Variants in DENND2B observed in about 807,000 individuals in gnomAD.
DENND2B encodes DENN domain-containing protein 2B.
In DENND2B, 32 loss-of-function variants were observed where a neutral mutation model predicts 116.0. The observed-to-expected ratio is 0.28, with a 90% CI of 0.21 to 0.37. DENND2B has a LOEUF of 0.37. Ranked by LOEUF, DENND2B falls within the 10% of genes least tolerant of loss-of-function variation. The pLI is 1.00. For synonymous variants in DENND2B, 588 were observed against 583.9 expected, an observed-to-expected ratio of 1.01 and a Z score of -0.10; for missense variants, 1,276 against 1,477.7, an observed-to-expected ratio of 0.86 and a Z score of 2.24.
At chr11:8,775,178 G>GC (rs1736264999) in intron 1 of DENND2B, among the ~76,000 whole-genome samples, 1 of 152,082 alleles carries the variant, frequency 6.6e-6, no homozygotes, top group African/African-American at 2.4e-5. Context: ...ACTGTGCCTG[G>GC]CCCCCATCTG....
chr11:8,722,839 C>T, intron 4 of DENND2B, among the ~76,000 whole-genome samples: 1 of 152,244 alleles, frequency 6.6e-6, no homozygotes, highest in East Asian at 1.9e-4. Context: ...GCCTGGGTCG[C>T]TCCCCTCCCT....
At chr11:8,910,790 A>G (rs1375651723) in intron 1 of DENND2B, 1 of 153,022 alleles carries the variant, frequency 6.5e-6, no homozygotes, top group Non-Finnish European at 1.4e-5. Context: ...ATAATTTTTT[A>G]GCTCAACAGG....
chr11:8,783,259 GCCCAGGC>G (rs1340583844), intron 1 of DENND2B, among the ~76,000 whole-genome samples: 1 of 152,004 alleles, frequency 6.6e-6, no homozygotes, highest in African/African-American at 2.4e-5. Flanking sequence ...TCACTACGTT[GCCCAGGC>G]TGGTCTCAAA....
chr11:8,884,335 T>A (rs890274499), intron 1 of DENND2B, among the ~76,000 whole-genome samples: 19 of 151,924 alleles, frequency 1.3e-4, no homozygotes, highest in African/African-American at 4.4e-4. Flanking sequence ...TTGTTGTTGT[T>A]GTTTTTTGTT....
At chr11:8,801,795 G>A (rs2060358920) in intron 1 of DENND2B, among the ~76,000 whole-genome samples, 2 of 151,700 alleles carry the variant, frequency 1.3e-5, no homozygotes, top group South Asian at 4.2e-4. Context: ...CTTGAGCTCA[G>A]TTCGAGACCA....
intron 14 of DENND2B, among the ~76,000 whole-genome samples, chr11:8,700,949 G>C (rs2041477097): frequency 6.6e-6 from 1 of 152,130 alleles, no homozygotes; most frequent in Admixed American, 6.5e-5. Context: ...AGCCTCCTGA[G>C]TAGCTGGGAC....
chr11:8,854,351 A>G (rs2063122286), intron 3 of DENND2B, among the ~76,000 whole-genome samples: 2 of 151,830 alleles, frequency 1.3e-5, no homozygotes, highest in East Asian at 1.9e-4. Flanking sequence ...ACAGGCGTGC[A>G]CCACCACGAC....
intron 14 of DENND2B, among the ~76,000 whole-genome samples, chr11:8,700,579 T>C (rs1228864104): frequency 2.6e-5 from 4 of 152,156 alleles, no homozygotes; most frequent in Non-Finnish European, 4.4e-5. Context: ...TCAGGACTTA[T>C]TGGAGGACAA....
chr11:8,696,354 A>G, intron 18 of DENND2B, 73 bp downstream of exon 18: 1 of 1,579,322 alleles, frequency 6.3e-7, no homozygotes. Flanking sequence ...AAGAGCTTCC[A>G]TCATAGTGCC....
intron 1 of DENND2B, among the ~76,000 whole-genome samples, chr11:8,778,855 T>C (rs74899437): frequency 2.5e-4 from 38 of 152,330 alleles, no homozygotes; most frequent in Non-Finnish European, 5.3e-4. Context: ...ATGGTAAAGA[T>C]GAAAGGGCAG....
intron 2 of DENND2B, among the ~76,000 whole-genome samples, chr11:8,876,823 G>A (rs889185199): frequency 6.6e-6 from 1 of 150,634 alleles, no homozygotes; most frequent in African/African-American, 2.4e-5. Flanking sequence ...AGGTTGCAGT[G>A]AGCCAAGATT....
chr11:8,810,056 T>TA (rs1267981010), intron 1 of DENND2B: 1 of 139,120 alleles, frequency 7.2e-6, no homozygotes, highest in Admixed American at 7.3e-5. Flanking sequence ...AGCCTTTTTT[T>TA]TTTTTTTTTT....
rs750706722 is a variant in DENND2B at position 8,730,945 on chromosome 11, C to G, written c.345G>C (p.Lys115Asn). ...SPSACKRDAQ[K>N]ESVQGAAQDV... ...CCTGGGCTGCGCCTTGGACACTTTCCTTTTGGGCGTCTCTCTTGCACGCCG... is the reference window on the plus strand; with the variant it reads ...CCTGGGCTGCGCCTTGGACACTTTCGTTTTGGGCGTCTCTCTTGCACGCCG... Residue 115 changes from lysine to asparagine, a missense_variant, in exon 3 of 20, where the codon AAG becomes AAC. Lys to Asn is a moderately conservative substitution (Grantham distance 94). This residue lies in a region of DENND2B where 856 missense variants were observed against 846.6 expected (regional missense o/e 1.01). Transcript: ENST00000313726. This position sits in a 1 kb window ranked among gnomAD's most constrained non-coding sequence, Gnocchi z 4.1. The G allele has an allele frequency of 6.2e-7, 1 of 1,614,234 alleles. No individual in the cohort carries two copies. The highest frequency in any genetic ancestry group is 8.5e-7 in the Non-Finnish European group (1 of 1,180,056).
At chr11:8,847,160 T>C (rs1184444059) in intron 3 of DENND2B, among the ~76,000 whole-genome samples, 1 of 152,218 alleles carries the variant, frequency 6.6e-6, no homozygotes, top group Admixed American at 6.5e-5. Flanking sequence ...CCTGAGGCTG[T>C]AGCACCAATG....
intron 1 of DENND2B, among the ~76,000 whole-genome samples, chr11:8,782,189 T>G (rs182533201): frequency 8.1e-4 from 124 of 152,282 alleles, no homozygotes; most frequent in African/African-American, 2.9e-3. Context: ...TTAAACCAAA[T>G]GATTTTACAC....
At chr11:8,726,331 C>T (rs1036849766) in intron 3 of DENND2B, 122 bp from the exon 4 acceptor site, 3 of 1,330,570 alleles carry the variant, frequency 2.3e-6, no homozygotes, top group African/African-American at 2.9e-5. Context: ...TCTGAAAGAG[C>T]ATCAAGGTGG....
chr11:8,790,545 G>T (rs1169388542), intron 1 of DENND2B, among the ~76,000 whole-genome samples: 2 of 152,112 alleles, frequency 1.3e-5, no homozygotes, highest in South Asian at 4.1e-4. Context: ...GAGGTAAGAG[G>T]ATCACTTGAG....
chr11:8,864,713 A>G (rs2568061), intron 2 of DENND2B, among the ~76,000 whole-genome samples: 83,721 of 152,022 alleles, frequency 0.55, 23,225 homozygotes, highest in Middle Eastern at 0.73. Context: ...TTCAAAAACT[A>G]TAGGACACAA....
At chr11:8,804,724 T>C (rs191932025) in intron 1 of DENND2B, among the ~76,000 whole-genome samples, 5 of 152,090 alleles carry the variant, frequency 3.3e-5, no homozygotes, top group Admixed American at 2.6e-4. Flanking sequence ...TTTGTATTTT[T>C]AGTAGAGACA....
Sources: gnomAD v4.1 joint callset for allele counts (sites outside exome capture counted in the v4.1 genomes callset) on GRCh38, gnomAD v4.1.1 for gene constraint, gnomAD v4.1.1 regional missense constraint, Gnocchi (gnomAD v3.1) non-coding constraint, MANE v1.5 for transcripts, NCBI Gene and HGNC (gene_info 2026-07-23, HGNC 2026-07-21) for gene names.